RORB: variants seen among roughly 807,000 people sequenced by gnomAD.
The protein encoded by RORB is nuclear receptor ROR-beta.
RORB carries 6 observed loss-of-function variants against 59.1 expected under a neutral mutation model. The observed-to-expected ratio is 0.10, with a 90% CI of 0.06 to 0.20. The LOEUF is 0.20. Ranked by LOEUF, RORB falls within the 10% of genes least tolerant of loss-of-function variation. RORB has a pLI of 1.00. For missense variants in RORB, 320 were observed against 560.5 expected (o/e 0.57, Z 4.33); for synonymous variants, 215 against 204.5 (o/e 1.05, Z -0.44).
At chr9:74,647,876 C>A (rs528135688) in intron 4 of RORB, among the ~76,000 whole-genome samples, 20 of 152,244 alleles carry the variant, frequency 1.3e-4, no homozygotes, top group African/African-American at 4.8e-4. Flanking sequence ...TTATTAAGAA[C>A]CCCAAGCAGA....
At chr9:74,621,651 A>T (rs569525401) in intron 1 of RORB, among the ~76,000 whole-genome samples, 11 of 152,316 alleles carry the variant, frequency 7.2e-5, no homozygotes, top group Admixed American at 6.5e-4. Context: ...GTAGCTTTGT[A>T]AGAAACTGTC....
At chr9:74,589,617 T>C (rs1421500430) in intron 1 of RORB, among the ~76,000 whole-genome samples, 2 of 152,242 alleles carry the variant, frequency 1.3e-5, no homozygotes, top group Non-Finnish European at 2.9e-5. Flanking sequence ...ATATTAGTTT[T>C]CTTTTTCACA....
intron 1 of RORB, among the ~76,000 whole-genome samples, chr9:74,531,794 G>A (rs1313394971): frequency 2.0e-5 from 3 of 151,904 alleles, no homozygotes; most frequent in Non-Finnish European, 4.4e-5. Flanking sequence ...AATTTTGAGT[G>A]TAAACATACT....
chr9:74,688,574 G>A lies in RORB; in HGVS notation c.*2956G>A, dbSNP rs1824686664. ...AGATGTTGCACTGTATCCACTCAGG[G>A]ATGTTTCCTTAAAAAAAAAAAATAC... is the stretch of plus-strand genomic sequence containing the variant. On this transcript the variant is annotated 3_prime_UTR_variant, in exon 10 of 10. Transcript: ENST00000376896. The A allele has an allele frequency of 7.0e-6, 1 of 142,142 alleles. No homozygotes were observed. Among genetic ancestry groups the A allele is most frequent in the Non-Finnish European group, 1.5e-5 (1 of 64,744 alleles). The allele number at this position is 142,142 out of a possible 1,614,324, so 8.8% of individuals were successfully genotyped here.
chr9:74,574,897 C>T (rs1023380125), intron 1 of RORB, among the ~76,000 whole-genome samples: 2 of 152,112 alleles, frequency 1.3e-5, no homozygotes, highest in Non-Finnish European at 2.9e-5. Flanking sequence ...CTCTTCCTAT[C>T]GTCAGTCCCA....
At chr9:74,682,453 A>G (rs1824562985) in intron 9 of RORB, among the ~76,000 whole-genome samples, 1 of 152,196 alleles carries the variant, frequency 6.6e-6, no homozygotes, top group Admixed American at 6.5e-5. Flanking sequence ...AAGAAAAAGA[A>G]AACTGAGAGG....
chr9:74,675,214 G>T (rs1048318973), intron 9 of RORB, among the ~76,000 whole-genome samples: 1 of 151,686 alleles, frequency 6.6e-6, no homozygotes, highest in East Asian at 1.9e-4. Flanking sequence ...GTATATTCAG[G>T]CTATAAATAA....
chr9:74,648,326 A>G (rs1823933524), intron 4 of RORB, among the ~76,000 whole-genome samples: 2 of 152,244 alleles, frequency 1.3e-5, no homozygotes, highest in Non-Finnish European at 2.9e-5. Context: ...CATACTAGCC[A>G]TGTGAATGTA....
chr9:74,563,258 T>C (rs1822425709), intron 1 of RORB, among the ~76,000 whole-genome samples: 1 of 149,192 alleles, frequency 6.7e-6, no homozygotes, highest in South Asian at 2.2e-4. Flanking sequence ...CAATCTCGGC[T>C]CACTGCAACT....
intron 1 of RORB, among the ~76,000 whole-genome samples, chr9:74,530,657 G>A (rs1230686807): frequency 6.6e-6 from 1 of 151,938 alleles, no homozygotes; most frequent in Non-Finnish European, 1.5e-5. Flanking sequence ...CTTCCACGCT[G>A]TCCTCAAGGT....
intron 8 of RORB, among the ~76,000 whole-genome samples, chr9:74,670,747 C>T (rs1824332972): frequency 6.6e-6 from 1 of 152,166 alleles, no homozygotes; most frequent in South Asian, 2.1e-4. Flanking sequence ...ATAAGAGCCA[C>T]TGTGTATTAG....
At chr9:74,524,213 T>C (rs1448955334) in intron 1 of RORB, among the ~76,000 whole-genome samples, 1 of 151,612 alleles carries the variant, frequency 6.6e-6, no homozygotes, top group Admixed American at 6.6e-5. Flanking sequence ...TTGTCCTGGA[T>C]GGCAAGTGAA....
Position 74,690,032 on chromosome 9 carries a change from C to T in RORB, c.*4414C>T, listed in dbSNP as rs1019691502. 2.6e-5 allele frequency: 4 copies of T among 152,080 alleles called. No individual in the cohort carries two copies. Among genetic ancestry groups the T allele is most frequent in the African/African-American group, 7.2e-5 (3 of 41,402 alleles). 9.4% of individuals were successfully genotyped at this position (152,080 alleles called of 1,614,324 possible). On this transcript the variant is annotated 3_prime_UTR_variant, in exon 10 of 10. Coordinates refer to ENST00000376896, the MANE Select transcript of RORB (RefSeq NM_006914.4). ...AATTCAGGCCATGGACGTCTGTGCCCTAACAGAAGCACCGTTCAATAGAAC... is the reference window on the plus strand; with the variant it reads ...AATTCAGGCCATGGACGTCTGTGCCTTAACAGAAGCACCGTTCAATAGAAC...
intron 1 of RORB, among the ~76,000 whole-genome samples, chr9:74,579,353 A>T (rs1170776724): frequency 2.0e-5 from 3 of 152,056 alleles, no homozygotes; most frequent in African/African-American, 7.2e-5. Context: ...GTACTTTCAC[A>T]GTTTTATATT....
At chr9:74,562,058 T>C (rs1169505039) in intron 1 of RORB, among the ~76,000 whole-genome samples, 1 of 152,208 alleles carries the variant, frequency 6.6e-6, no homozygotes, top group South Asian at 2.1e-4. Flanking sequence ...CAGAGGATGG[T>C]GCATGTTGTC....
intron 1 of RORB, among the ~76,000 whole-genome samples, chr9:74,519,568 T>C (rs1467649047): frequency 6.6e-6 from 1 of 151,978 alleles, no homozygotes; most frequent in Non-Finnish European, 1.5e-5. Context: ...GTGGACTGCT[T>C]CTGTAACTCT....
intron 1 of RORB, among the ~76,000 whole-genome samples, chr9:74,514,723 A>C (rs2118051485): frequency 6.7e-6 from 1 of 150,194 alleles, no homozygotes; most frequent in South Asian, 2.1e-4. Context: ...GAGGAGAATA[A>C]GACAATTGTA....
intron 1 of RORB, 65 bp downstream of exon 1, chr9:74,498,048 G>A: frequency 1.3e-6 from 2 of 1,564,350 alleles, no homozygotes; most frequent in South Asian, 1.1e-5. Flanking sequence ...CGGGGAGATG[G>A]GGGAGGGGAG....
At chr9:74,627,533 C>T (rs965937571) in intron 1 of RORB, among the ~76,000 whole-genome samples, 2 of 152,080 alleles carry the variant, frequency 1.3e-5, no homozygotes, top group African/African-American at 2.4e-5. Context: ...GTAAGATAAC[C>T]TCTGTGGCTT....
Sources: gnomAD v4.1 joint callset for allele counts (sites outside exome capture counted in the v4.1 genomes callset) on GRCh38, gnomAD v4.1.1 for gene constraint, MANE v1.5 for transcripts, NCBI Gene and HGNC (gene_info 2026-07-23, HGNC 2026-07-21) for gene names.